PSMG2: variants seen among roughly 807,000 people sequenced by gnomAD.
PSMG2 encodes CD40 ligand-activated specific transcript 3.
Under a neutral mutation model 31.5 loss-of-function variants are expected in PSMG2, and 21 were observed. That is an observed-to-expected ratio of 0.67 (90% CI 0.47 to 0.96). The LOEUF (loss-of-function observed/expected upper bound fraction) is 0.96. Ranked by LOEUF, PSMG2 falls within the 40% of genes least tolerant of loss-of-function variation. PSMG2 has a pLI of 0.00. For synonymous variants in PSMG2, 120 were observed against 110.4 expected, an observed-to-expected ratio of 1.09 and a Z score of -0.54; for missense variants, 318 against 321.2, an observed-to-expected ratio of 0.99 and a Z score of 0.08.
chr18:12,720,775 G>A (rs1178150468), intron 5 of PSMG2, 92 bp downstream of exon 5: 1 of 1,289,078 alleles, frequency 7.8e-7, no homozygotes, highest in Non-Finnish European at 1.1e-6. Flanking sequence ...ACTCTAGCCT[G>A]GGTGACAGAG....
At chr18:12,700,850 G>A (rs9962006), upstream of PSMG2, 319,156 of 768,962 alleles carry the variant, frequency 0.42, 68,808 homozygotes, top group Non-Finnish European at 0.46. Context: ...GAATGACCTT[G>A]AAGTGGTTTT....
chr18:12,714,259 A>G (rs2040356710), intron 3 of PSMG2, among the ~76,000 whole-genome samples: 1 of 152,182 alleles, frequency 6.6e-6, no homozygotes, highest in Non-Finnish European at 1.5e-5. Flanking sequence ...AGCCAGCATA[A>G]CAAGAGTCAT....
chr18:12,697,788 C>G (rs1167626224), intron 1 of PSMG2, among the ~76,000 whole-genome samples: 1 of 152,130 alleles, frequency 6.6e-6, no homozygotes, highest in Non-Finnish European at 1.5e-5. Context: ...GAAATTATCA[C>G]TGTATAATTG....
intron 1 of PSMG2, among the ~76,000 whole-genome samples, chr18:12,672,159 T>C (rs1192273589): frequency 1.4e-5 from 2 of 140,114 alleles, no homozygotes; most frequent in African/African-American, 5.4e-5. Flanking sequence ...CTGCCTCCCA[T>C]GCTGGAGTGC....
chr18:12,703,777 CAGATGG>C (rs2040228914), intron 1 of PSMG2, among the ~76,000 whole-genome samples: 1 of 152,114 alleles, frequency 6.6e-6, no homozygotes, highest in African/African-American at 2.4e-5. Flanking sequence ...AGGGGAGGGA[CAGATGG>C]CTTGTTAAGA....
intron 1 of PSMG2, among the ~76,000 whole-genome samples, chr18:12,689,989 A>G (rs570464278): frequency 2.0e-5 from 3 of 152,296 alleles, no homozygotes; most frequent in African/African-American, 7.2e-5. Context: ...AGGTTTCGCC[A>G]TGTTGGCCAG....
At chr18:12,690,284 A>G (rs559895566) in intron 1 of PSMG2, among the ~76,000 whole-genome samples, 1 of 152,322 alleles carries the variant, frequency 6.6e-6, no homozygotes, top group East Asian at 1.9e-4. Context: ...CTGTTCCAAA[A>G]TCTAGGGAAA....
intron 1 of PSMG2, among the ~76,000 whole-genome samples, chr18:12,670,234 G>A (rs1479588696): frequency 6.6e-6 from 1 of 151,508 alleles, no homozygotes; most frequent in African/African-American, 2.4e-5. Context: ...GGAGGCTGAG[G>A]CAGGAGAACT....
intron 3 of PSMG2, among the ~76,000 whole-genome samples, chr18:12,715,256 G>A (rs955752156): frequency 1.4e-4 from 21 of 151,886 alleles, no homozygotes; most frequent in Middle Eastern, 6.8e-3. Context: ...TGATCTGCCC[G>A]CCTCAACCTC....
At chr18:12,722,849 C>T (rs2040442983) in intron 5 of PSMG2, among the ~76,000 whole-genome samples, 1 of 152,214 alleles carries the variant, frequency 6.6e-6, no homozygotes, top group Non-Finnish European at 1.5e-5. Flanking sequence ...CATACCCCTG[C>T]GCTTTCCAAG....
chr18:12,705,735 A>G (rs1280646070), intron 1 of PSMG2, among the ~76,000 whole-genome samples: 1 of 151,996 alleles, frequency 6.6e-6, no homozygotes, highest in Non-Finnish European at 1.5e-5. Context: ...ACTGCCTGGA[A>G]TGTTCTTTCC....
At chr18:12,659,168 A>G (rs1389065692) in intron 1 of PSMG2, among the ~76,000 whole-genome samples, 1 of 152,222 alleles carries the variant, frequency 6.6e-6, no homozygotes, top group Non-Finnish European at 1.5e-5. Context: ...TCAACCAAAT[A>G]GGCAATGTAT....
chr18:12,681,726 GC>G (rs1308686429), intron 1 of PSMG2, among the ~76,000 whole-genome samples: 1 of 152,024 alleles, frequency 6.6e-6, no homozygotes, highest in Non-Finnish European at 1.5e-5. Flanking sequence ...ACAACAAAAT[GC>G]CAACAATGGT....
At chr18:12,698,982 A>C (rs1359343187), upstream of PSMG2, 12 of 1,600,578 alleles carry the variant, frequency 7.5e-6, no homozygotes, top group Non-Finnish European at 1.0e-5. Flanking sequence ...TTCTTACCCA[A>C]GCTTTCTCTG....
At chr18:12,694,708 C>CTTTTTTTTTTTTTTT (rs1397325257) in intron 1 of PSMG2, among the ~76,000 whole-genome samples, 1 of 144,442 alleles carries the variant, frequency 6.9e-6, no homozygotes, top group Non-Finnish European at 1.5e-5. Flanking sequence ...TCCTGTAATT[C>CTTTTTTTTTTTTTTT]TTTTTTTTTT....
chr18:12,717,531 A>G (rs1227781636), intron 3 of PSMG2, among the ~76,000 whole-genome samples: 3 of 152,192 alleles, frequency 2.0e-5, no homozygotes, highest in Admixed American at 2.0e-4. Flanking sequence ...ACCCCTACAT[A>G]CTTCCGCACA....
chr18:12,693,170 C>G (rs939615784), intron 1 of PSMG2, among the ~76,000 whole-genome samples: 1 of 152,034 alleles, frequency 6.6e-6, no homozygotes, highest in Non-Finnish European at 1.5e-5. Context: ...ATTTATTTAT[C>G]AGATAATAGA....
chr18:12,686,328 A>G, intron 1 of PSMG2: 1 of 1,614,000 alleles, frequency 6.2e-7, no homozygotes, highest in Middle Eastern at 1.6e-4. Flanking sequence ...CTCCAATAAC[A>G]GGGGCTCGTT....
chr18:12,703,384 GTC>G (rs2040220906), intron 1 of PSMG2, among the ~76,000 whole-genome samples: 1 of 152,244 alleles, frequency 6.6e-6, no homozygotes, highest in Non-Finnish European at 1.5e-5. Context: ...ACAATTTGTA[GTC>G]TCTGTTTCCT....
Sources: gnomAD v4.1 joint callset for allele counts (sites outside exome capture counted in the v4.1 genomes callset) on GRCh38, gnomAD v4.1.1 for gene constraint, MANE v1.5 for transcripts, NCBI Gene and HGNC (gene_info 2026-07-23, HGNC 2026-07-21) for gene names.